Variants in LRP1 observed in about 807,000 individuals in gnomAD.
The protein encoded by LRP1 is prolow-density lipoprotein receptor-related protein 1.
A neutral mutation model predicts 541.5 loss-of-function variants in LRP1; 51 were observed. That is an observed-to-expected ratio of 0.09 (90% CI 0.08 to 0.12). The LOEUF (loss-of-function observed/expected upper bound fraction) is 0.12. LRP1 is among the 10% of genes least tolerant of loss of function. LRP1 has a pLI of 1.00. For synonymous variants in LRP1, 2,219 were observed against 2,470.8 expected (o/e 0.90, Z 3.02); for missense variants, 3,878 against 6,376.2 (o/e 0.61, Z 13.34).
intron 6 of LRP1, among the ~76,000 whole-genome samples, chr12:57,153,798 G>A (rs960906342): frequency 6.6e-6 from 1 of 152,068 alleles, no homozygotes; most frequent in African/African-American, 2.4e-5. Context: ...AGTGCTTCTG[G>A]TTAGCATGAG....
chr12:57,211,665 C>A lies in LRP1; in HGVS notation c.13193+77C>A. ...GATTTGAGCAGGAGGACCGTCAGGC[C>A]TCAGTGCCCACCCCCCGCCCTGTTT... On this transcript the variant is annotated intron_variant, in intron 85 of 88. Transcript: ENST00000243077. This position sits in a 1 kb window ranked among gnomAD's most constrained non-coding sequence, Gnocchi z 4.3. The A allele has an allele frequency of 1.3e-6, 2 of 1,584,796 alleles. No homozygotes were observed. The highest frequency in any genetic ancestry group is 1.7e-6 in the Non-Finnish European group (2 of 1,154,976).
chr12:57,212,062 T>TCCTAG lies in LRP1; in HGVS notation c.13349+49_13350-47dup. On this transcript the variant is annotated intron_variant, in intron 87 of 88. Coordinates refer to ENST00000243077, the MANE Select transcript of LRP1 (RefSeq NM_002332.3). The surrounding 1 kb of genome is among the most constrained non-coding windows in gnomAD (Gnocchi z 5.0). ...GAACATTCTGGTCATTATTTTGCCA[T>TCCTAG]CCTAGCCTTCCCCCCCAATAATCTC... 6.2e-7 allele frequency: 1 copy of TCCTAG among 1,613,380 alleles called. No individual in the cohort carries two copies. The highest frequency in any genetic ancestry group is 8.5e-7 in the Non-Finnish European group (1 of 1,179,518).
Position 57,194,715 on chromosome 12 carries a change from A to G in LRP1, c.8191+16A>G, listed in dbSNP as rs374739661. The G allele has an allele frequency of 1.9e-4, 287 of 1,537,832 alleles. No individual in the cohort carries two copies. The highest frequency in any genetic ancestry group is 3.4e-4 in the Admixed American group (17 of 50,508). On this transcript the variant is annotated intron_variant, in intron 50 of 88. Transcript: ENST00000243077. ...ACCCACTGCAGTGAGTGACCACTGC[A>G]CCCACTCAGTGCTCCAAGAGCCTGC... is the stretch of plus-strand genomic sequence containing the variant.
chr12:57,160,605 A>G (rs1017142671), intron 12 of LRP1, among the ~76,000 whole-genome samples: 2 of 151,942 alleles, frequency 1.3e-5, no homozygotes, highest in Non-Finnish European at 2.9e-5. Context: ...ATCGCTCTCC[A>G]TGTAACCTTG....
Position 57,198,305 on chromosome 12 carries a change from C to T in LRP1, c.9432C>T (p.Leu3144=). The change falls in exon 59 of 89, where the codon CTC becomes CTT. Residue 3144 remains leucine, a synonymous_variant. Coordinates refer to ENST00000243077, the MANE Select transcript of LRP1 (RefSeq NM_002332.3). ...AYRTVLVSSG[L]REPRALVVDV... is the part of the protein sequence containing the mutation. ...GGACGGTGCTGGTCAGCTCTGGCCT[C>T]CGTGAGCCCAGGGCTCTGGTGGTGG... 6.2e-7 allele frequency: 1 copy of T among 1,613,952 alleles called. No individual in the cohort carries two copies.
intron 60 of LRP1, among the ~76,000 whole-genome samples, 184 bp from the exon 61 acceptor site, chr12:57,199,028 G>A (rs1187929146): frequency 5.3e-5 from 8 of 152,214 alleles, no homozygotes. Context: ...GGCAGTCTAG[G>A]TTTGAACTCC....
At chr12:57,166,643 C>T (rs2035846399) in intron 17 of LRP1, among the ~76,000 whole-genome samples, 1 of 152,146 alleles carries the variant, frequency 6.6e-6, no homozygotes, top group Admixed American at 6.5e-5. Flanking sequence ...ATCCCCTTCC[C>T]AGCCTGGGAA....
At chr12:57,140,363 C>T (rs913294388) in intron 2 of LRP1, among the ~76,000 whole-genome samples, 4 of 152,052 alleles carry the variant, frequency 2.6e-5, no homozygotes, top group Non-Finnish European at 5.9e-5. Context: ...TTGAAATTTT[C>T]GAGTAGCCAC....
rs2036123425 is a variant in LRP1 at position 57,179,729 on chromosome 12, T to C, written c.4967-53T>C. On this transcript the variant is annotated intron_variant, in intron 29 of 88. Transcript: ENST00000243077. This position sits in a 1 kb window ranked among gnomAD's most constrained non-coding sequence, Gnocchi z 6.8. ...CCAGAAGGCACACTGGCTCCCCTCCTGACCCACTGCCCTGCAGACACCCAA... is the reference window on the plus strand; with the variant it reads ...CCAGAAGGCACACTGGCTCCCCTCCCGACCCACTGCCCTGCAGACACCCAA... 2 of 1,559,568 alleles carry C rather than the reference T, an allele frequency of 1.3e-6. No individual in the cohort carries two copies. Among genetic ancestry groups the C allele is most frequent in the Non-Finnish European group, 1.8e-6 (2 of 1,137,544 alleles).
In LRP1 at chr12:57,189,015, T is replaced by C. The variant is rs1197177350; in HGVS notation, c.7031+1559T>C. On this transcript the variant is annotated intron_variant, in intron 42 of 88. Transcript: ENST00000243077. This position sits in a 1 kb window ranked among gnomAD's most constrained non-coding sequence, Gnocchi z 4.4. The stretch of plus-strand genomic sequence containing the variant: ...CCCCAGTGGAGAGGGCAGGGGCAAG[T>C]GGAGACTCCAACAACCCAGCCTCCT... Among the ~76,000 whole-genome samples, 3 of 152,120 alleles carry C rather than the reference T, an allele frequency of 2.0e-5. No homozygotes were observed. Among genetic ancestry groups the C allele is most frequent in the Non-Finnish European group, 4.4e-5 (3 of 68,004 alleles).
At position 57,184,726 on chromosome 12, in the gene LRP1, AG is replaced by A; in HGVS notation, c.6187-109del. On this transcript the variant is annotated intron_variant, in intron 38 of 88. Transcript: ENST00000243077. The surrounding 1 kb of genome is among the most constrained non-coding windows in gnomAD (Gnocchi z 7.8). ...TGTATGCAGGAGGCAGGAGTGAGTT[AG>A]GGGAGGCTGAACTGAGGGCCTCACT... The A allele has an allele frequency of 8.4e-7, 1 of 1,194,898 alleles. No individual in the cohort carries two copies. The highest frequency in any genetic ancestry group is 1.2e-6 in the Non-Finnish European group (1 of 851,646). 74.0% of individuals were successfully genotyped at this position (1,194,898 alleles called of 1,614,324 possible). A position where few individuals can be genotyped will look rare whatever the true frequency, so the allele number is the denominator to read the frequency against.
chr12:57,212,182 C>G lies in LRP1; in HGVS notation c.13415C>G (p.Thr4472Ser). The G allele has an allele frequency of 6.2e-7, 1 of 1,614,054 alleles. No homozygotes were observed. The highest frequency in any genetic ancestry group is 8.5e-7 in the Non-Finnish European group (1 of 1,180,028). The change falls in exon 88 of 89, where the codon ACC (threonine) becomes AGC (serine). Residue 4472 changes from threonine to serine, a missense_variant. This residue lies in a region of LRP1 where 871 missense variants were observed against 1,212.4 expected (regional missense o/e 0.72). Transcript: ENST00000243077. This position sits in a 1 kb window ranked among gnomAD's most constrained non-coding sequence, Gnocchi z 5.0. ...GAMNVEIGNPTYKMYEGGEPD... is the reference protein window; with the variant it reads ...GAMNVEIGNPSYKMYEGGEPD... ...ATGAACGTGGAGATTGGAAACCCCA[C>G]CTACAAGATGTACGAAGGCGGAGAG...
At chr12:57,188,190 G>A (rs564195261) in intron 42 of LRP1, among the ~76,000 whole-genome samples, 3 of 152,294 alleles carry the variant, frequency 2.0e-5, no homozygotes, top group South Asian at 4.1e-4. Flanking sequence ...GGGTTCACCC[G>A]CAGTCAGCCT....
At chr12:57,191,054 C>T in intron 43 of LRP1, 45 bp downstream of exon 43, 1 of 1,554,976 alleles carries the variant, frequency 6.4e-7, no homozygotes. Flanking sequence ...TGAGGGGAGG[C>T]CAGGGCCAGG....
intron 24 of LRP1, among the ~76,000 whole-genome samples, chr12:57,176,600 C>T (rs1160028821): frequency 1.3e-5 from 2 of 152,178 alleles, no homozygotes; most frequent in East Asian, 3.9e-4. Flanking sequence ...CTAAGAGGCA[C>T]ATTTTACTAG....
In LRP1 at chr12:57,177,599, C is replaced by A. The variant is rs2036073306; in HGVS notation, c.4361+8C>A. The A allele has an allele frequency of 8.1e-6, 13 of 1,613,316 alleles. No individual in the cohort carries two copies. Among genetic ancestry groups the A allele is most frequent in the East Asian group, 2.2e-5 (1 of 44,882 alleles). On this transcript the variant is annotated splice_region_variant and intron_variant, in intron 26 of 88. Transcript: ENST00000243077. This position sits in a 1 kb window ranked among gnomAD's most constrained non-coding sequence, Gnocchi z 6.8. ...CCTTTGGATTGACGCCAGGTCAGCA[C>A]CCTCTGTGCCCTGAGAAGGCCCAAG...
rs2036328006 is a variant in LRP1 at position 57,189,195 on chromosome 12, C to A, written c.7032-1610C>A. 6.6e-6 allele frequency among the ~76,000 whole-genome samples: 1 copy of A among 152,190 alleles called. No homozygotes were observed. Among genetic ancestry groups the A allele is most frequent in the South Asian group, 2.1e-4 (1 of 4,834 alleles). On this transcript the variant is annotated intron_variant, in intron 42 of 88. Coordinates refer to ENST00000243077, the MANE Select transcript of LRP1 (RefSeq NM_002332.3). The surrounding 1 kb of genome is among the most constrained non-coding windows in gnomAD (Gnocchi z 4.4). ...CCCCATTCCTGGGAAGCAGGTTCAC[C>A]CAGACCACAGTTGTGTCACATGGAG...
In LRP1 at chr12:57,173,387, A is replaced by G; in HGVS notation, c.3346+37A>G. On this transcript the variant is annotated intron_variant, in intron 21 of 88. Coordinates refer to ENST00000243077, the MANE Select transcript of LRP1 (RefSeq NM_002332.3). The surrounding 1 kb of genome is among the most constrained non-coding windows in gnomAD (Gnocchi z 4.7). Reference sequence around the variant, plus strand: ...GGTTGGAGGGCGTCTGGAACAGCACAATGTGGGCAGGAGGAGACCGTGTTG... The same window carrying G: ...GGTTGGAGGGCGTCTGGAACAGCACGATGTGGGCAGGAGGAGACCGTGTTG... 6.3e-7 allele frequency: 1 copy of G among 1,598,448 alleles called. No homozygotes were observed. The highest frequency in any genetic ancestry group is 8.5e-7 in the Non-Finnish European group (1 of 1,169,646).
rs924280693 is a variant in LRP1 at position 57,196,921 on chromosome 12, C to G, written c.8893-61C>G. On this transcript the variant is annotated intron_variant, in intron 55 of 88. Transcript: ENST00000243077. ...GGGAATTGGAGTCTCTGAGCCAGGT[C>G]TCCAGGGTGGGAGGCCCAGACCCTG... 4 of 1,445,884 alleles carry G rather than the reference C, an allele frequency of 2.8e-6. No individual in the cohort carries two copies. The African/African-American group carries it at 4.2e-5, about 15-fold the overall frequency. 89.6% of individuals were successfully genotyped at this position (1,445,884 alleles called of 1,614,324 possible).
Sources: allele counts gnomAD v4.1 joint callset (sites outside exome capture counted in the v4.1 genomes callset), GRCh38; gene constraint gnomAD v4.1.1; regional missense constraint gnomAD v4.1.1; non-coding constraint Gnocchi (gnomAD v3.1); transcripts MANE v1.5; gene names NCBI Gene and HGNC (gene_info 2026-07-23, HGNC 2026-07-21).